TLCD4: variants seen among roughly 807,000 people sequenced by gnomAD.
TLCD4 encodes the protein TLC domain-containing protein 4.
In TLCD4, 7 loss-of-function variants were observed where a neutral mutation model predicts 24.2. That is an observed-to-expected ratio of 0.29 (90% confidence interval 0.16 to 0.54). TLCD4 has a LOEUF of 0.54. Among genes scored for constraint, TLCD4 ranks in the 20% least tolerant of loss-of-function variants. The pLI is 0.95. For synonymous variants in TLCD4, 103 were observed against 106.4 expected (o/e 0.97, Z 0.20); for missense variants, 259 against 313.9 (o/e 0.82, Z 1.32).
At chr1:95,101,828 G>A in the TLCD4 span, among the ~76,000 whole-genome samples, 1 of 152,188 alleles carries the variant, frequency 6.6e-6, no homozygotes, top group Non-Finnish European at 1.5e-5. Context: ...GGAAAGTTTT[G>A]ACAAGAAAAG....
chr1:95,173,858 G>T lies in TLCD4; in HGVS notation c.442G>T (p.Ala148Ser), dbSNP rs773232637. The T allele has an allele frequency of 6.2e-7, 1 of 1,614,152 alleles. No homozygotes were observed. The highest frequency in any genetic ancestry group is 1.1e-5 in the South Asian group (1 of 91,086). The change falls in exon 6 of 7, where the codon GCA becomes TCA. Residue 148 changes from alanine (A) to serine (S), a missense_variant. Transcript: ENST00000370203. ...ATACATTGGGAATTTTCGCCTGCTTGCAGAGCTTTCCAGCCCGTTTGTGAA... is the reference window on the plus strand; with the variant it reads ...ATACATTGGGAATTTTCGCCTGCTTTCAGAGCTTTCCAGCCCGTTTGTGAA... ...LAYIGNFRLL[A>S]ELSSPFVNQR...
intron 6 of TLCD4, 54 bp from the exon 7 acceptor site, chr1:95,191,496 G>A: frequency 1.3e-6 from 2 of 1,537,036 alleles, no homozygotes; most frequent in Non-Finnish European, 1.7e-6. Flanking sequence ...AATAAAAATG[G>A]TTAATCCTCA....
At chr1:95,176,964 T>G (rs1219454752) in intron 6 of TLCD4, among the ~76,000 whole-genome samples, 1 of 152,216 alleles carries the variant, frequency 6.6e-6, no homozygotes, top group African/African-American at 2.4e-5. Context: ...GGGTTTAATT[T>G]CTACAGTAGC....
chr1:95,194,945 C>T lies in TLCD4; in HGVS notation c.*3077C>T, dbSNP rs1255444114. The T allele has an allele frequency of 3.3e-5, 5 of 152,082 alleles. No individual in the cohort carries two copies. Among genetic ancestry groups the T allele is most frequent in the Admixed American group, 6.6e-5 (1 of 15,264 alleles). 9.4% of individuals were successfully genotyped at this position (152,082 alleles called of 1,614,324 possible). Reference sequence around the variant, plus strand: ...ACAGTAAATTGAATTAAATTTTTATCCCAACTGTTTGATTTTATTATTTCA... The same window carrying T: ...ACAGTAAATTGAATTAAATTTTTATTCCAACTGTTTGATTTTATTATTTCA... On this transcript the variant is annotated 3_prime_UTR_variant, in exon 7 of 7. Coordinates refer to ENST00000370203, the MANE Select transcript of TLCD4 (RefSeq NM_152487.3).
chr1:95,179,849 TCTTA>T (rs763173781), intron 6 of TLCD4, among the ~76,000 whole-genome samples: 1 of 152,174 alleles, frequency 6.6e-6, no homozygotes, highest in Non-Finnish European at 1.5e-5. Flanking sequence ...ATGCCTCCTG[TCTTA>T]CTTGTTATTT....
At chr1:95,102,483 G>A in the TLCD4 span, among the ~76,000 whole-genome samples, 2 of 152,116 alleles carry the variant, frequency 1.3e-5, no homozygotes, top group Non-Finnish European at 2.9e-5. Context: ...TGATGACTTC[G>A]TGAACTCAGA....
the TLCD4 span, among the ~76,000 whole-genome samples, chr1:95,107,318 G>A: frequency 6.6e-6 from 1 of 152,148 alleles, no homozygotes; most frequent in Admixed American, 6.5e-5. Flanking sequence ...ACCTACTCGG[G>A]AGGCTGAGGC....
chr1:95,171,546 G>C (rs1259910016), intron 5 of TLCD4, among the ~76,000 whole-genome samples: 5 of 152,138 alleles, frequency 3.3e-5, no homozygotes, highest in African/African-American at 1.2e-4. Context: ...TACTGTGACT[G>C]TATTTTCTGA....
the TLCD4 span, among the ~76,000 whole-genome samples, chr1:95,100,481 A>G: frequency 6.6e-6 from 1 of 152,148 alleles, no homozygotes; most frequent in Admixed American, 6.5e-5. Context: ...AGGCTAAGGC[A>G]TGAGAATCAC....
the TLCD4 span, among the ~76,000 whole-genome samples, chr1:95,101,495 A>C: frequency 8.2e-6 from 1 of 122,480 alleles, no homozygotes; most frequent in Admixed American, 8.6e-5. Context: ...CTGGTCTCAA[A>C]CTCCTGACCT....
intron 5 of TLCD4, among the ~76,000 whole-genome samples, chr1:95,161,087 C>A (rs546329489): frequency 1.3e-5 from 2 of 152,158 alleles, no homozygotes; most frequent in Non-Finnish European, 2.9e-5. Context: ...GGTACCAGCT[C>A]CTCTTTGTAC....
intron 1 of TLCD4, among the ~76,000 whole-genome samples, chr1:95,125,184 G>A (rs888979032): frequency 6.6e-6 from 1 of 152,144 alleles, no homozygotes; most frequent in African/African-American, 2.4e-5. Context: ...TATCAAGTCT[G>A]TGGGCCAAGC....
intron 1 of TLCD4, among the ~76,000 whole-genome samples, chr1:95,139,055 G>A (rs943070840): frequency 6.7e-6 from 1 of 149,744 alleles, no homozygotes; most frequent in Non-Finnish European, 1.5e-5. Flanking sequence ...TGAGCTGGGT[G>A]TGGTGGCTAT....
At chr1:95,100,198 A>T in the TLCD4 span, among the ~76,000 whole-genome samples, 2 of 152,236 alleles carry the variant, frequency 1.3e-5, no homozygotes, top group East Asian at 3.8e-4. Context: ...AGATAAAATA[A>T]CAGGCTCAGA....
At chr1:95,105,893 T>TCAAAAAAAAAAAAAAAAAAA in the TLCD4 span, among the ~76,000 whole-genome samples, 30 of 102,872 alleles carry the variant, frequency 2.9e-4, 2 homozygotes, top group Non-Finnish European at 4.0e-4. Context: ...AGACTCCGTC[T>TCAAAAAAAAAAAAAAAAAAA]TAAAAAAAAA....
Position 95,129,779 on chromosome 1 carries a change from C to T in TLCD4, c.-12+12162C>T, listed in dbSNP as rs528417481. Among the ~76,000 whole-genome samples, 19 of 152,238 alleles carry T rather than the reference C, an allele frequency of 1.2e-4. 1 individual carries two copies. In the South Asian group the frequency reaches 3.9e-3, roughly 32 times the overall value. On this transcript the variant is annotated intron_variant, in intron 1 of 6. Coordinates refer to ENST00000370203, the MANE Select transcript of TLCD4 (RefSeq NM_152487.3). Reference sequence around the variant, plus strand: ...GTAACTTAATTATATGAACATAGGGCTTCTTCACCTTTCCTAGCTTGGTCT... The same window carrying T: ...GTAACTTAATTATATGAACATAGGGTTTCTTCACCTTTCCTAGCTTGGTCT...
the TLCD4 span, among the ~76,000 whole-genome samples, chr1:95,097,129 A>G: frequency 5.3e-5 from 8 of 152,166 alleles, no homozygotes; most frequent in African/African-American, 1.4e-4. Context: ...TTTTCAGGGT[A>G]CATGTGATAA....
chr1:95,123,371 G>A (rs1676622857), intron 1 of TLCD4, among the ~76,000 whole-genome samples: 1 of 152,190 alleles, frequency 6.6e-6, no homozygotes, highest in African/African-American at 2.4e-5. Flanking sequence ...ATGAAAGGGT[G>A]AGGCCAAGAG....
At chr1:95,176,825 G>A (rs981263030) in intron 6 of TLCD4, among the ~76,000 whole-genome samples, 11 of 152,070 alleles carry the variant, frequency 7.2e-5, no homozygotes, top group African/African-American at 2.7e-4. Flanking sequence ...TTTTATATAT[G>A]GTATAGGGGT....
Sources: allele counts gnomAD v4.1 joint callset (sites outside exome capture counted in the v4.1 genomes callset), GRCh38; gene constraint gnomAD v4.1.1; transcripts MANE v1.5; gene names NCBI Gene and HGNC (gene_info 2026-07-23, HGNC 2026-07-21).